Variants in PFKFB3 observed in about 807,000 individuals in gnomAD.
PFKFB3 encodes 6-phosphofructo-2-kinase/fructose-2,6-biphosphatase 3, also known as 6-phosphofructo-2-kinase/fructose-2,6-bisphosphatase 3.
Under a neutral mutation model 68.0 loss-of-function variants are expected in PFKFB3, and 33 were observed. The ratio of observed to expected loss-of-function variants is 0.49; its 90% CI spans 0.37 to 0.65. PFKFB3 has a LOEUF of 0.65. Ranked by LOEUF, PFKFB3 falls within the 30% of genes least tolerant of loss-of-function variation. PFKFB3 has a pLI of 0.00. For missense variants in PFKFB3, 586 were observed against 712.2 expected (o/e 0.82, Z 2.02); for synonymous variants, 315 against 288.2 (o/e 1.09, Z -0.94).
At chr10:6,145,045 C>T (rs1588368675) in intron 1 of PFKFB3, 3 of 1,317,450 alleles carry the variant, frequency 2.3e-6, no homozygotes, top group South Asian at 4.1e-5. Flanking sequence ...CCCACGCCCC[C>T]AGCGCGCGCG....
chr10:6,223,870 G>A, intron 11 of PFKFB3, 88 bp from the exon 12 acceptor site: 1 of 1,152,802 alleles, frequency 8.7e-7, no homozygotes, highest in Non-Finnish European at 1.3e-6. Context: ...ACCTGCCTCG[G>A]CCTCCCAAAG....
At chr10:6,224,519 T>G in intron 13 of PFKFB3, 1 of 516,744 alleles carries the variant, frequency 1.9e-6, no homozygotes. Flanking sequence ...CTCAGTCTGT[T>G]CCCCAGGCTG....
chr10:6,177,389 T>TTTCTTTCTTTCTTTCTTTCTTTCTTTTC (rs374332811), intron 1 of PFKFB3, among the ~76,000 whole-genome samples: 4 of 122,970 alleles, frequency 3.3e-5, no homozygotes, highest in Admixed American at 8.6e-5. Flanking sequence ...TCTTTCTTTC[T>TTTCTTTCTTTCTTTCTTTCTTTCTTTTC]TTCTTTCTTT....
At chr10:6,267,019 T>C in the PFKFB3 span, among the ~76,000 whole-genome samples, 1 of 152,242 alleles carries the variant, frequency 6.6e-6, no homozygotes, top group Non-Finnish European at 1.5e-5. Context: ...TTTCACCTTT[T>C]TTCTCTTGTC....
the PFKFB3 span, among the ~76,000 whole-genome samples, chr10:6,306,514 A>G: frequency 6.6e-6 from 1 of 152,228 alleles, no homozygotes; most frequent in Non-Finnish European, 1.5e-5. Flanking sequence ...GTGGGCTCAG[A>G]TCAACAAGTA....
chr10:6,233,260 G>A lies in PFKFB3; in HGVS notation c.*318G>A, dbSNP rs1539233. On this transcript the variant is annotated 3_prime_UTR_variant, in exon 15 of 15. Transcript: ENST00000379775. ...AGGGTGATGAGTGCTGGTCCTGACA[G>A]GAGGCCGCTGGGGACACTGTGCTGT... 303,626 of 305,514 alleles carry A rather than the reference G, an allele frequency of 0.99. 150,902 individuals carry two copies. Among genetic ancestry groups the A allele is most frequent in the East Asian group, 1 (17,868 of 17,868 alleles). The allele number at this position is 305,514 out of a possible 1,614,324, so 18.9% of individuals were successfully genotyped here.
the PFKFB3 span, among the ~76,000 whole-genome samples, chr10:6,269,939 T>C: frequency 2.0e-5 from 3 of 152,134 alleles, no homozygotes; most frequent in Non-Finnish European, 4.4e-5. Context: ...GAGACCAGCC[T>C]GGCCAACATG....
the PFKFB3 span, among the ~76,000 whole-genome samples, chr10:6,261,345 G>A: frequency 3.5e-4 from 54 of 152,114 alleles, no homozygotes; most frequent in African/African-American, 1.3e-3. Context: ...TCCCTTAAAC[G>A]CTGTCTTTGG....
At chr10:6,206,288 G>C (rs2131879771) in intron 1 of PFKFB3, among the ~76,000 whole-genome samples, 1 of 144,004 alleles carries the variant, frequency 6.9e-6, no homozygotes, top group African/African-American at 2.6e-5. Context: ...AGATCAACAG[G>C]ATCCCAAGGC....
chr10:6,208,666 G>A (rs950779002), intron 1 of PFKFB3, among the ~76,000 whole-genome samples: 41 of 152,184 alleles, frequency 2.7e-4, no homozygotes, highest in Middle Eastern at 6.8e-3. Flanking sequence ...TGAGTCAGTG[G>A]GGGATACAGG....
At position 6,203,257 on chromosome 10, in the gene PFKFB3, G is replaced by A. The variant is rs1199074615; in HGVS notation, c.-4G>A. On this transcript the variant is annotated 5_prime_UTR_variant, in exon 1 of 15. Coordinates refer to ENST00000379775, the MANE Select transcript of PFKFB3 (RefSeq NM_004566.4). ...GAGGCGGGCCGTCGGGCGCAGCCGC[G>A]AAGATGCCGTTGGAACTGACGCAGA... 2 of 1,608,686 alleles carry A rather than the reference G, an allele frequency of 1.2e-6. No homozygotes were observed. The highest frequency in any genetic ancestry group is 2.7e-5 in the African/African-American group (2 of 74,350).
At chr10:6,188,828 ATTTTTTTT>A (rs35338599) in intron 1 of PFKFB3, among the ~76,000 whole-genome samples, 2 of 113,076 alleles carry the variant, frequency 1.8e-5, no homozygotes, top group Admixed American at 1.0e-4. Flanking sequence ...CTTCCTTTTA[ATTTTTTTT>A]TTTTTTTTTT....
At chr10:6,226,554 G>A (rs1845373745) in intron 14 of PFKFB3, 189 bp downstream of exon 14, 5 of 578,398 alleles carry the variant, frequency 8.6e-6, no homozygotes, top group Admixed American at 7.1e-5. Context: ...TGTTGAGGGA[G>A]AACATAGGAA....
rs1208956939 is a variant in PFKFB3, at chr10:6,215,981, G to A, written c.300-144G>A. 2.5e-6 allele frequency: 2 copies of A among 803,448 alleles called. No homozygotes were observed. The highest frequency in any genetic ancestry group is 2.5e-5 in the East Asian group (1 of 39,656). 49.8% of individuals were successfully genotyped at this position (803,448 alleles called of 1,614,324 possible). On this transcript the variant is annotated intron_variant, in intron 3 of 14. Coordinates refer to ENST00000379775, the MANE Select transcript of PFKFB3 (RefSeq NM_004566.4). This position sits in a 1 kb window ranked among gnomAD's most constrained non-coding sequence, Gnocchi z 4.3. ...CAGGTTGGAAGCCTCTGGGCCTGAG[G>A]GGTGCTGGCCAGCCTGCCCAGCGCT...
At chr10:6,318,507 G>C in the PFKFB3 span, among the ~76,000 whole-genome samples, 1 of 152,200 alleles carries the variant, frequency 6.6e-6, no homozygotes, top group Non-Finnish European at 1.5e-5. Context: ...TCCCGGAGCT[G>C]TGCTCCAGCC....
the PFKFB3 span, among the ~76,000 whole-genome samples, chr10:6,277,296 C>G: frequency 6.6e-6 from 1 of 151,600 alleles, no homozygotes; most frequent in African/African-American, 2.4e-5. Flanking sequence ...TGCAGTGGCG[C>G]GATCTGGACT....
At chr10:6,244,919 A>G (rs1378130317) in intron 14 of PFKFB3, among the ~76,000 whole-genome samples, 1 of 152,116 alleles carries the variant, frequency 6.6e-6, no homozygotes, top group Non-Finnish European at 1.5e-5. Flanking sequence ...CCTAGCATAC[A>G]CTCACCATAA....
intron 1 of PFKFB3, among the ~76,000 whole-genome samples, chr10:6,171,396 CTTTCT>C (rs1564595865): frequency 6.7e-6 from 1 of 150,182 alleles, no homozygotes; most frequent in Non-Finnish European, 1.5e-5. Context: ...ATTGTTCTTT[CTTTCT>C]TTTTTTTTTT....
chr10:6,202,261 G>C (rs1446118929), upstream of PFKFB3, among the ~76,000 whole-genome samples: 1 of 152,216 alleles, frequency 6.6e-6, no homozygotes, highest in Non-Finnish European at 1.5e-5. Context: ...CCAGTCTTTG[G>C]GCTAGGGGAG....
Sources: allele counts gnomAD v4.1 joint callset (sites outside exome capture counted in the v4.1 genomes callset), GRCh38; gene constraint gnomAD v4.1.1; non-coding constraint Gnocchi (gnomAD v3.1); transcripts MANE v1.5; gene names NCBI Gene and HGNC (gene_info 2026-07-23, HGNC 2026-07-21).